The following ZNF383 variants were observed in gnomAD, a reference collection of about 807,000 sequenced individuals.
ZNF383 encodes zinc finger protein 383.
In ZNF383, 32 loss-of-function variants were observed where a neutral mutation model predicts 44.2. That is an observed-to-expected ratio of 0.72 (90% CI 0.55 to 0.97). The LOEUF is 0.97. Ranked by LOEUF, ZNF383 falls within the 50% of genes least tolerant of loss-of-function variation. The pLI, the probability that ZNF383 is intolerant of heterozygous loss-of-function variation, is 0.00. For synonymous variants in ZNF383, 155 were observed against 186.2 expected (o/e 0.83, Z 1.36); for missense variants, 487 against 562.5 (o/e 0.87, Z 1.36).
intron 3 of ZNF383, among the ~76,000 whole-genome samples, chr19:37,234,105 C>A (rs1183260215): frequency 2.0e-5 from 3 of 152,112 alleles, no homozygotes; most frequent in Non-Finnish European, 2.9e-5. Flanking sequence ...CTCAGATGAT[C>A]CACCCACCTC....
chr19:37,234,637 G>A (rs777934997), intron 3 of ZNF383, among the ~76,000 whole-genome samples: 11 of 151,464 alleles, frequency 7.3e-5, no homozygotes, highest in Non-Finnish European at 1.5e-4. Context: ...CGATCAGCCC[G>A]CCTTGGCCTC....
intron 3 of ZNF383, among the ~76,000 whole-genome samples, chr19:37,230,840 A>G (rs1973451728): frequency 6.6e-6 from 1 of 152,232 alleles, no homozygotes; most frequent in Admixed American, 6.5e-5. Context: ...TAGACAAGCC[A>G]AGATTATCTC....
chr19:37,228,292 T>TA (rs1973284845), intron 2 of ZNF383, among the ~76,000 whole-genome samples: 1 of 152,146 alleles, frequency 6.6e-6, no homozygotes. Context: ...CGTGTCCCTT[T>TA]AGTTTTTATC....
Position 37,218,265 on chromosome 19 carries a change from G to C in ZNF383, c.-177G>C, listed in dbSNP as rs1599774544. On this transcript the variant is annotated 5_prime_UTR_variant, in exon 1 of 6. Coordinates refer to ENST00000684119, the MANE Select transcript of ZNF383 (RefSeq NM_001387601.1). ...GGCCTGGGTCTTGCAGGCTCGGCTG[G>C]GGCCCGCAGGTACGTGCATGGGAGT... 2 of 152,598 alleles carry C rather than the reference G, an allele frequency of 1.3e-5. No homozygotes were observed. Among genetic ancestry groups the C allele is most frequent in the African/African-American group, 2.4e-5 (1 of 41,452 alleles). The allele number at this position is 152,598 out of a possible 1,614,324, so 9.5% of individuals were successfully genotyped here. A position where few individuals can be genotyped will look rare whatever the true frequency, so the allele number is the denominator to read the frequency against.
rs1973060408 is a variant in ZNF383 at position 37,224,371 on chromosome 19, A to C, written c.-167-447A>C. Among the ~76,000 whole-genome samples the C allele has an allele frequency of 2.6e-5, 4 of 152,206 alleles. No individual in the cohort carries two copies. In the South Asian group the frequency reaches 8.3e-4, roughly 31 times the overall value. ...GTAACACAAAAATTGCCAATATCTG[A>C]TAAGAGGAAAATTAAACCAACCACA... On this transcript the variant is annotated intron_variant, in intron 1 of 5. Transcript: ENST00000684119.
intron 4 of ZNF383, 71 bp from the exon 5 acceptor site, chr19:37,235,908 T>C: frequency 7.2e-7 from 1 of 1,386,578 alleles, no homozygotes; most frequent in Admixed American, 2.1e-5. Flanking sequence ...CATCTCTTCC[T>C]GTGATCATCA....
intron 5 of ZNF383, among the ~76,000 whole-genome samples, chr19:37,239,023 G>A (rs979274242): frequency 6.6e-6 from 1 of 152,158 alleles, no homozygotes; most frequent in Non-Finnish European, 1.5e-5. Context: ...AGGTTCAAGC[G>A]ATTCTACTGC....
intron 1 of ZNF383, among the ~76,000 whole-genome samples, chr19:37,218,973 A>G (rs529562789): frequency 6.0e-4 from 91 of 152,140 alleles, no homozygotes; most frequent in Admixed American, 5.4e-3. Flanking sequence ...GAATGGTGCT[A>G]TGTTTGAGGG....
At chr19:37,237,800 T>C (rs932360218) in intron 5 of ZNF383, among the ~76,000 whole-genome samples, 17 of 151,486 alleles carry the variant, frequency 1.1e-4, no homozygotes, top group Middle Eastern at 3.5e-3. Flanking sequence ...CCGAAACCCA[T>C]CCTTGAGGGA....
intron 1 of ZNF383, among the ~76,000 whole-genome samples, chr19:37,223,816 G>T (rs754259083): frequency 2.0e-5 from 3 of 152,024 alleles, no homozygotes; most frequent in Non-Finnish European, 4.4e-5. Context: ...GGTGGATCAC[G>T]AGGTCAGGAG....
rs753975058 is a variant in ZNF383 at position 37,247,249 on chromosome 19, A to G, written c.*3585A>G. 8 of 152,176 alleles carry G rather than the reference A, an allele frequency of 5.3e-5. No homozygotes were observed. Among genetic ancestry groups the G allele is most frequent in the Non-Finnish European group, 1.0e-4 (7 of 68,036 alleles). The allele number at this position is 152,176 out of a possible 1,614,324, so 9.4% of individuals were successfully genotyped here. A position where few individuals can be genotyped will look rare whatever the true frequency, so the allele number is the denominator to read the frequency against. ...TATTTTAAAAGGCAGAAATAATTGAAAGAAAAAAACTGGATCTGAATCCAA... is the reference window on the plus strand; with the variant it reads ...TATTTTAAAAGGCAGAAATAATTGAGAGAAAAAAACTGGATCTGAATCCAA... On this transcript the variant is annotated 3_prime_UTR_variant, in exon 6 of 6. Coordinates refer to ENST00000684119, the MANE Select transcript of ZNF383 (RefSeq NM_001387601.1).
At chr19:37,242,418 A>T in intron 5 of ZNF383, 51 bp from the exon 6 acceptor site, 1 of 1,277,964 alleles carries the variant, frequency 7.8e-7, no homozygotes, top group Non-Finnish European at 1.1e-6. Context: ...ATAAAAGTTT[A>T]ATTTTTCACA....
intron 2 of ZNF383, among the ~76,000 whole-genome samples, chr19:37,227,210 G>A (rs962827312): frequency 6.9e-6 from 1 of 145,968 alleles, no homozygotes; most frequent in African/African-American, 2.6e-5. Flanking sequence ...CGCCTCCCAG[G>A]TTCAAACGAT....
At chr19:37,222,787 G>A (rs1382209580) in intron 1 of ZNF383, among the ~76,000 whole-genome samples, 1 of 152,130 alleles carries the variant, frequency 6.6e-6, no homozygotes, top group Non-Finnish European at 1.5e-5. Flanking sequence ...GTCTTTTGGT[G>A]CACATATGAA....
Position 37,246,342 on chromosome 19 carries a change from A to T in ZNF383, c.*2678A>T, listed in dbSNP as rs1599813353. On this transcript the variant is annotated 3_prime_UTR_variant, in exon 6 of 6. Transcript: ENST00000684119. The stretch of plus-strand genomic sequence containing the variant: ...TGGCAAATTTGTAATTCATGGTGGA[A>T]AAAGAGAAACACTTGTAATGAGTAT... 1 of 152,230 alleles carries T rather than the reference A, an allele frequency of 6.6e-6. No individual in the cohort carries two copies. Among genetic ancestry groups the T allele is most frequent in the East Asian group, 1.9e-4 (1 of 5,202 alleles). 9.4% of individuals were successfully genotyped at this position (152,230 alleles called of 1,614,324 possible).
intron 1 of ZNF383, chr19:37,219,420 T>C (rs1972816251): frequency 6.6e-6 from 1 of 152,286 alleles, no homozygotes; most frequent in South Asian, 2.1e-4. Context: ...CACGCCCTGC[T>C]AATTTTGTAT....
chr19:37,229,686 GTGTA>G (rs1973369679), intron 2 of ZNF383, among the ~76,000 whole-genome samples: 1 of 117,502 alleles, frequency 8.5e-6, no homozygotes, highest in African/African-American at 4.4e-5. Context: ...GTATATGTGT[GTGTA>G]TATATATGTA....
chr19:37,229,341 A>G lies in ZNF383; in HGVS notation c.-45-1068A>G, dbSNP rs550158131. Among the ~76,000 whole-genome samples the G allele has an allele frequency of 2.1e-4, 29 of 137,004 alleles. No homozygotes were observed. The East Asian group carries it at 3.8e-3, about 18-fold the overall frequency. The allele number at this position is 137,004 out of a possible 152,430, so 89.9% of individuals were successfully genotyped here. A position where few individuals can be genotyped will look rare whatever the true frequency, so the allele number is the denominator to read the frequency against. On this transcript the variant is annotated intron_variant, in intron 2 of 5. Coordinates refer to ENST00000684119, the MANE Select transcript of ZNF383 (RefSeq NM_001387601.1). ...GGCTAATTTTGTATTTTTTTTTTTT[A>G]GTAGAGACGGTTTCTCCATGTTGAT...
chr19:37,236,861 T>C (rs1410441691), intron 5 of ZNF383, among the ~76,000 whole-genome samples: 1 of 151,826 alleles, frequency 6.6e-6, no homozygotes, highest in Non-Finnish European at 1.5e-5. Context: ...AGCCACCGCG[T>C]CCGGCCCCTC....
Sources: gnomAD v4.1 joint callset for allele counts (sites outside exome capture counted in the v4.1 genomes callset) on GRCh38, gnomAD v4.1.1 for gene constraint, MANE v1.5 for transcripts, NCBI Gene and HGNC (gene_info 2026-07-23, HGNC 2026-07-21) for gene names.